ELAVL1: variants seen among roughly 807,000 people sequenced by gnomAD.
The protein encoded by ELAVL1 is ELAV-like protein 1.
A neutral mutation model predicts 28.4 loss-of-function variants in ELAVL1; 1 was observed. That is an observed-to-expected ratio of 0.04 (90% CI 0.01 to 0.17). The LOEUF (loss-of-function observed/expected upper bound fraction) is 0.17. Among genes scored for constraint, ELAVL1 ranks in the 10% least tolerant of loss-of-function variants. The probability of loss-of-function intolerance (pLI) is 1.00; values close to 1 mark genes in which losing one functional copy is unlikely to be tolerated. For missense variants in ELAVL1, 157 were observed against 447.2 expected (o/e 0.35, Z 5.85); for synonymous variants, 174 against 183.5 (o/e 0.95, Z 0.42).
chr19:8,002,919 C>T (rs1038643233), intron 1 of ELAVL1, among the ~76,000 whole-genome samples: 2 of 152,054 alleles, frequency 1.3e-5, no homozygotes, highest in Non-Finnish European at 2.9e-5. Flanking sequence ...GTCAAGAAAA[C>T]GTGTCTTTTT....
At chr19:7,998,376 C>T (rs1023237421) in intron 1 of ELAVL1, among the ~76,000 whole-genome samples, 2 of 152,212 alleles carry the variant, frequency 1.3e-5, no homozygotes, top group African/African-American at 2.4e-5. Context: ...GTGGTCACCA[C>T]CCATTGAGGC....
intron 4 of ELAVL1, among the ~76,000 whole-genome samples, chr19:7,969,310 G>A (rs996118053): frequency 1.3e-5 from 2 of 152,182 alleles, no homozygotes; most frequent in East Asian, 3.9e-4. Context: ...CAGGCAGCCC[G>A]GGGCCTTGGG....
intron 1 of ELAVL1, among the ~76,000 whole-genome samples, chr19:8,000,365 T>A (rs948956306): frequency 7.2e-5 from 11 of 152,182 alleles, no homozygotes; most frequent in Non-Finnish European, 1.6e-4. Flanking sequence ...GGGAGAGAGA[T>A]GTGTGTGTCT....
At position 7,963,429 on chromosome 19, in the gene ELAVL1, T is replaced by C; in HGVS notation, c.*54A>G. 6.5e-7 allele frequency: 1 copy of C among 1,543,566 alleles called. No homozygotes were observed. The highest frequency in any genetic ancestry group is 2.3e-5 in the East Asian group (1 of 44,152). On this transcript the variant is annotated 3_prime_UTR_variant, in exon 6 of 6. Transcript: ENST00000407627. The surrounding 1 kb of genome is among the most constrained non-coding windows in gnomAD (Gnocchi z 4.5). ...TGAGTTGTACACTAACAAGAAAAGT[T>C]TCAACTCCTTCACTCTTAATTATCT...
intron 2 of ELAVL1, among the ~76,000 whole-genome samples, chr19:7,987,027 GC>G (rs1219094002): frequency 9.9e-5 from 15 of 151,580 alleles, no homozygotes; most frequent in Middle Eastern, 3.4e-3. Flanking sequence ...AAGCCATCAG[GC>G]TGGGAAAGTC....
chr19:7,974,529 G>C (rs1985223978), intron 3 of ELAVL1, among the ~76,000 whole-genome samples: 1 of 152,212 alleles, frequency 6.6e-6, no homozygotes, highest in Admixed American at 6.5e-5. Context: ...GCCAATGCAA[G>C]ACAAGGTCTT....
intron 1 of ELAVL1, among the ~76,000 whole-genome samples, chr19:8,001,742 G>C (rs1410204458): frequency 6.6e-6 from 1 of 152,074 alleles, no homozygotes. Context: ...TGGGGTTACA[G>C]GTGTGAGCCA....
chr19:7,992,196 C>T (rs998022230), intron 1 of ELAVL1, among the ~76,000 whole-genome samples: 1 of 152,164 alleles, frequency 6.6e-6, no homozygotes, highest in Non-Finnish European at 1.5e-5. Context: ...CTGCCTCGGC[C>T]TCCCAAAGTG....
intron 3 of ELAVL1, among the ~76,000 whole-genome samples, chr19:7,980,066 G>A (rs1310910507): frequency 6.6e-6 from 1 of 152,234 alleles, no homozygotes; most frequent in Non-Finnish European, 1.5e-5. Context: ...GACTCAGGGA[G>A]CACCTTTCTC....
In ELAVL1 at chr19:7,963,921, C is replaced by G. The variant is rs922170170; in HGVS notation, c.657-114G>C. On this transcript the variant is annotated intron_variant, in intron 5 of 5. Transcript: ENST00000407627. The surrounding 1 kb of genome is among the most constrained non-coding windows in gnomAD (Gnocchi z 4.5). ...CTGGGCCCCATCCCGCTCTGCGCAG[C>G]CACGAGGTGCTCACGGTTGAGACAC... 2.5e-6 allele frequency: 3 copies of G among 1,196,600 alleles called. No individual in the cohort carries two copies. Among genetic ancestry groups the G allele is most frequent in the Non-Finnish European group, 3.4e-6 (3 of 871,684 alleles). The allele number at this position is 1,196,600 out of a possible 1,614,324, so 74.1% of individuals were successfully genotyped here. A position where few individuals can be genotyped will look rare whatever the true frequency, so the allele number is the denominator to read the frequency against.
chr19:8,003,361 AAAAAAAAAAAAAAGAAAAAG>A (rs2050166379), intron 1 of ELAVL1, among the ~76,000 whole-genome samples: 2 of 125,866 alleles, frequency 1.6e-5, no homozygotes, highest in Admixed American at 8.0e-5. Context: ...GTCTCAAAAA[AAAAAAAAAAAAAAGAAAAAG>A]AAAAAAAAAA....
intron 2 of ELAVL1, among the ~76,000 whole-genome samples, chr19:7,986,012 G>A (rs535066839): frequency 7.2e-5 from 11 of 152,344 alleles, no homozygotes; most frequent in South Asian, 2.1e-4. Context: ...CCCATACACC[G>A]CCCACACTGG....
Position 7,962,573 on chromosome 19 carries a change from T to A in ELAVL1, c.*910A>T, listed in dbSNP as rs1003162209. ...ACGAGAAGGGATGCGAGAAATACAA[T>A]GCTCAAATGTTTCTGTGTTATTAAA... On this transcript the variant is annotated 3_prime_UTR_variant, in exon 6 of 6. Coordinates refer to ENST00000407627, the MANE Select transcript of ELAVL1 (RefSeq NM_001419.3). 6.6e-6 allele frequency: 1 copy of A among 152,628 alleles called. No individual in the cohort carries two copies. The highest frequency in any genetic ancestry group is 2.4e-5 in the African/African-American group (1 of 41,464). 9.5% of individuals were successfully genotyped at this position (152,628 alleles called of 1,614,324 possible). A position where few individuals can be genotyped will look rare whatever the true frequency, so the allele number is the denominator to read the frequency against.
chr19:7,995,522 A>C (rs764868646), intron 1 of ELAVL1, among the ~76,000 whole-genome samples: 4 of 152,114 alleles, frequency 2.6e-5, no homozygotes, highest in African/African-American at 7.2e-5. Flanking sequence ...GTTATAAATA[A>C]AGTTTTATTG....
chr19:7,989,866 T>C (rs979634461), intron 2 of ELAVL1, among the ~76,000 whole-genome samples: 1 of 152,212 alleles, frequency 6.6e-6, no homozygotes, highest in African/African-American at 2.4e-5. Flanking sequence ...TAATTCCCTG[T>C]AGAGCGGCCA....
At chr19:7,989,190 C>T (rs1009828516) in intron 2 of ELAVL1, among the ~76,000 whole-genome samples, 2 of 152,122 alleles carry the variant, frequency 1.3e-5, no homozygotes, top group African/African-American at 4.8e-5. Context: ...CGCCGTGCCC[C>T]GGGCCCTGCC....
In ELAVL1 at chr19:7,991,704, T is replaced by G. The variant is rs749196794; in HGVS notation, c.112A>C (p.Ser38Arg). 2 of 1,614,148 alleles carry G rather than the reference T, an allele frequency of 1.2e-6. No homozygotes were observed. Among genetic ancestry groups the G allele is most frequent in the Non-Finnish European group, 8.5e-7 (1 of 1,180,022 alleles). The change falls in exon 2 of 6, where the codon AGC becomes CGC. Residue 38 changes from serine to arginine, a missense_variant. By Grantham distance (110) the Ser-to-Arg change is moderately radical. Around this residue, in one of 4 missense-constraint regions of ELAVL1, gnomAD observed 28 missense variants for 89.7 expected, o/e 0.31. Coordinates refer to ENST00000407627, the MANE Select transcript of ELAVL1 (RefSeq NM_001419.3). ...ACTTCACCAATGCTGCTGAACAGGC[T>G]TCGTAACTCATCCTGGGTCATGTTC... ...PQNMTQDELR[S>R]LFSSIGEVES...
intron 1 of ELAVL1, among the ~76,000 whole-genome samples, chr19:7,993,734 CATCCCTTTCCCCAG>C (rs1191177258): frequency 6.9e-6 from 1 of 145,804 alleles, no homozygotes; most frequent in African/African-American, 2.5e-5. Context: ...GGTGAGAGCC[CATCCCTTTCCCCAG>C]ATCCCTGTTG....
rs146304183 is a variant in ELAVL1, at chr19:7,987,890, A to G, written c.172+3754T>C. On this transcript the variant is annotated intron_variant, in intron 2 of 5. Coordinates refer to ENST00000407627, the MANE Select transcript of ELAVL1 (RefSeq NM_001419.3). ...CAGCGGAGCATCTGACACTTGGGCC[A>G]AGGGAGGCCTCCTTAAGCAAACACG... 9.0e-3 allele frequency among the ~76,000 whole-genome samples: 1,364 copies of G among 152,308 alleles called. 20 individuals are homozygous for G. The highest frequency in any genetic ancestry group is 0.032 in the African/African-American group (1,320 of 41,562).
Sources: gnomAD v4.1 joint callset for allele counts (sites outside exome capture counted in the v4.1 genomes callset) on GRCh38, gnomAD v4.1.1 for gene constraint, gnomAD v4.1.1 regional missense constraint, Gnocchi (gnomAD v3.1) non-coding constraint, MANE v1.5 for transcripts, NCBI Gene and HGNC (gene_info 2026-07-23, HGNC 2026-07-21) for gene names.